PTPRG: variants seen among roughly 807,000 people sequenced by gnomAD.
PTPRG encodes the protein receptor-type tyrosine-protein phosphatase gamma.
In PTPRG, 102 loss-of-function variants were observed where a neutral mutation model predicts 165.3. That is an observed-to-expected ratio of 0.62 (90% CI 0.53 to 0.73). The LOEUF (loss-of-function observed/expected upper bound fraction) is 0.73, where lower values mean the gene tolerates loss of function less well. PTPRG is among the 30% of genes least tolerant of loss of function. PTPRG has a pLI of 0.00. For synonymous variants in PTPRG, 675 were observed against 669.5 expected (o/e 1.01, Z -0.13); for missense variants, 1,866 against 1,861.4 (o/e 1.00, Z -0.05).
At position 62,228,223 on chromosome 3, in the gene PTPRG, C is replaced by T. The variant is rs1269600209; in HGVS notation, c.2289-3002C>T. ...GAGAATGTTTGGACTGTATTTTTTA[C>T]AAAACAAAGAAAAAGGAGGCTGGGC... On this transcript the variant is annotated intron_variant, in intron 13 of 29. Transcript: ENST00000474889. This position sits in a 1 kb window ranked among gnomAD's most constrained non-coding sequence, Gnocchi z 4.1. Among the ~76,000 whole-genome samples, 3 of 151,866 alleles carry T rather than the reference C, an allele frequency of 2.0e-5. No homozygotes were observed. Among genetic ancestry groups the T allele is most frequent in the African/African-American group, 7.3e-5 (3 of 41,356 alleles).
At chr3:61,876,273 A>G (rs1229510158) in intron 2 of PTPRG, among the ~76,000 whole-genome samples, 1 of 152,212 alleles carries the variant, frequency 6.6e-6, no homozygotes, top group Non-Finnish European at 1.5e-5. Flanking sequence ...AGAACTTTTT[A>G]TAGATTGGGG....
intron 4 of PTPRG, among the ~76,000 whole-genome samples, chr3:62,024,610 G>C (rs1414151266): frequency 1.3e-5 from 2 of 152,180 alleles, no homozygotes; most frequent in Non-Finnish European, 2.9e-5. Context: ...AAAGTTTCCA[G>C]TTTATTCCCT....
Position 62,203,760 on chromosome 3 carries a change from G to C in PTPRG, c.1965G>C (p.Gln655His), listed in dbSNP as rs1286692839. 1.9e-6 allele frequency: 3 copies of C among 1,609,316 alleles called. No homozygotes were observed. Among genetic ancestry groups the C allele is most frequent in the African/African-American group, 1.3e-5 (1 of 74,888 alleles). ...ATCACACTGCCGTCCCCACAGACCA[G>C]ACGGGCGGAAGGAGGGATGCCGGCC... ...EQDHTAVPTD[Q>H]TGGRRDAGPG... Residue 655 changes from glutamine (Q) to histidine (H), a missense_variant, in exon 12 of 30, where the codon CAG (glutamine) becomes CAC (histidine). Transcript: ENST00000474889. This position sits in a 1 kb window ranked among gnomAD's most constrained non-coding sequence, Gnocchi z 6.4.
chr3:61,708,978 A>G lies in PTPRG; in HGVS notation c.86-39900A>G, dbSNP rs572836373. On this transcript the variant is annotated intron_variant, in intron 1 of 29. Transcript: ENST00000474889. ...TTGGATTCTAAGTCTGTTGGAAGGA[A>G]GCAAACACTGGTAGTAAGATTACAG... is the stretch of plus-strand genomic sequence containing the variant. 4.0e-4 allele frequency among the ~76,000 whole-genome samples: 61 copies of G among 152,378 alleles called. 1 individual carries two copies. In the South Asian group the frequency reaches 0.012, roughly 31 times the overall value.
At chr3:61,988,070 G>T (rs139827865) in intron 2 of PTPRG, among the ~76,000 whole-genome samples, 122 of 152,184 alleles carry the variant, frequency 8.0e-4, no homozygotes, top group African/African-American at 2.6e-3. Flanking sequence ...GGATAGTAGC[G>T]CGACACTTAT....
In PTPRG at chr3:61,626,446, A is replaced by G. The variant is rs936605097; in HGVS notation, c.85+64074A>G. Among the ~76,000 whole-genome samples, 5 of 152,170 alleles carry G rather than the reference A, an allele frequency of 3.3e-5. No homozygotes were observed. In the East Asian group the frequency reaches 7.7e-4, roughly 23 times the overall value. ...CAAAACATAAGGGGTTGCATTTTCC[A>G]TACTGGCAGAATGTGGAATGGGTAG... On this transcript the variant is annotated intron_variant, in intron 1 of 29. Transcript: ENST00000474889.
chr3:61,982,852 T>TA (rs1018863945), intron 2 of PTPRG, among the ~76,000 whole-genome samples: 5 of 152,174 alleles, frequency 3.3e-5, no homozygotes, highest in African/African-American at 1.2e-4. Flanking sequence ...ATAATGGTAT[T>TA]AAAAAATGAA....
intron 1 of PTPRG, among the ~76,000 whole-genome samples, chr3:61,624,753 C>T (rs1446009799): frequency 1.3e-5 from 2 of 151,582 alleles, no homozygotes; most frequent in Non-Finnish European, 2.9e-5. Context: ...ATAGTGCATA[C>T]ACAGTACTTA....
At chr3:62,144,363 A>C (rs1434876372) in intron 6 of PTPRG, among the ~76,000 whole-genome samples, 1 of 152,232 alleles carries the variant, frequency 6.6e-6, no homozygotes, top group Non-Finnish European at 1.5e-5. Context: ...CATTTTGCCA[A>C]GATCATCACA....
chr3:61,730,545 G>C (rs1476499276), intron 1 of PTPRG, among the ~76,000 whole-genome samples: 1 of 152,168 alleles, frequency 6.6e-6, no homozygotes, highest in African/African-American at 2.4e-5. Flanking sequence ...CTGATCACAG[G>C]AGTTTGTTAA....
intron 1 of PTPRG, among the ~76,000 whole-genome samples, chr3:61,707,481 A>G (rs2031323145): frequency 6.6e-6 from 1 of 152,172 alleles, no homozygotes; most frequent in African/African-American, 2.4e-5. Context: ...TTCAGTCCAA[A>G]GGCAAGAAAC....
In PTPRG at chr3:61,815,565, G is replaced by A. The variant is rs189172974; in HGVS notation, c.190+66583G>A. Among the ~76,000 whole-genome samples the A allele has an allele frequency of 3.2e-3, 482 of 152,244 alleles. 1 individual carries two copies. Among genetic ancestry groups the A allele is most frequent in the African/African-American group, 0.011 (465 of 41,548 alleles). ...CTCATTTGATCTAATCAGAGAATAC[G>A]AGGTTATATATTGACAAGATTGTAG... On this transcript the variant is annotated intron_variant, in intron 2 of 29. Coordinates refer to ENST00000474889, the MANE Select transcript of PTPRG (RefSeq NM_002841.4).
chr3:61,870,079 T>C (rs561239266), intron 2 of PTPRG, among the ~76,000 whole-genome samples: 1 of 152,240 alleles, frequency 6.6e-6, no homozygotes, highest in South Asian at 2.1e-4. Flanking sequence ...TACCATCACC[T>C]TGGGGCTTAA....
In PTPRG at chr3:61,645,064, A is replaced by C. The variant is rs545222530; in HGVS notation, c.85+82692A>C. ...TTTCCTTCTCCCACTAAGAACATTA[A>C]AAAAATCTCAGTATTTCCAACCCAG... On this transcript the variant is annotated intron_variant, in intron 1 of 29. Coordinates refer to ENST00000474889, the MANE Select transcript of PTPRG (RefSeq NM_002841.4). 3.2e-4 allele frequency among the ~76,000 whole-genome samples: 49 copies of C among 152,324 alleles called. 1 individual carries two copies. The South Asian group carries it at 8.9e-3, about 28-fold the overall frequency.
chr3:62,094,489 A>G (rs565936452), intron 5 of PTPRG, among the ~76,000 whole-genome samples: 13 of 152,220 alleles, frequency 8.5e-5, no homozygotes, highest in African/African-American at 2.6e-4. Flanking sequence ...CGTGTTTTCC[A>G]CTAGTCCACC....
At chr3:62,104,450 CCCTTTG>C (rs779974251) in intron 5 of PTPRG, among the ~76,000 whole-genome samples, 4 of 152,208 alleles carry the variant, frequency 2.6e-5, no homozygotes, top group Non-Finnish European at 5.9e-5. Flanking sequence ...GGACTTTCAG[CCCTTTG>C]CCTTGTTATC....
chr3:61,977,633 C>G (rs56108096), intron 2 of PTPRG, among the ~76,000 whole-genome samples: 15,777 of 151,930 alleles, frequency 0.1, 895 homozygotes, highest in Middle Eastern at 0.13. Context: ...ACTTCTACCT[C>G]CATTTGAAAT....
At chr3:61,670,023 C>T (rs1200676626) in intron 1 of PTPRG, among the ~76,000 whole-genome samples, 1 of 152,212 alleles carries the variant, frequency 6.6e-6, no homozygotes, top group African/African-American at 2.4e-5. Flanking sequence ...TGACATTGGA[C>T]ACCTTGATTC....
intron 1 of PTPRG, among the ~76,000 whole-genome samples, chr3:61,634,052 T>G (rs766287560): frequency 2.5e-4 from 38 of 151,944 alleles, no homozygotes; most frequent in Non-Finnish European, 4.7e-4. Flanking sequence ...GTAGCTGGGA[T>G]TACAGCAGTG....
Sources: gnomAD v4.1 joint callset for allele counts (sites outside exome capture counted in the v4.1 genomes callset) on GRCh38, gnomAD v4.1.1 for gene constraint, Gnocchi (gnomAD v3.1) non-coding constraint, MANE v1.5 for transcripts, NCBI Gene and HGNC (gene_info 2026-07-23, HGNC 2026-07-21) for gene names.